Variants in SETD5 observed in about 807,000 individuals in gnomAD.
SETD5 encodes the protein SET domain containing 5.
In SETD5, 44 loss-of-function variants were observed where a neutral mutation model predicts 153.3. The ratio of observed to expected loss-of-function variants is 0.29; its 90% CI spans 0.23 to 0.37. SETD5 has a LOEUF of 0.37. Ranked by LOEUF, SETD5 falls within the 10% of genes least tolerant of loss-of-function variation. SETD5 has a pLI of 1.00. For synonymous variants in SETD5, 716 were observed against 645.2 expected (o/e 1.11, Z -1.66); for missense variants, 1,544 against 1,768.0 (o/e 0.87, Z 2.27).
rs984760734 is a variant in SETD5 at position 9,476,905 on chromosome 3, G to C, written c.*814G>C. On this transcript the variant is annotated 3_prime_UTR_variant, in exon 23 of 23. Coordinates refer to ENST00000402198, the MANE Select transcript of SETD5 (RefSeq NM_001080517.3). The stretch of plus-strand genomic sequence containing the variant: ...GAATGAGACATGATATAGGCCAATT[G>C]CATTGCTACTTACCAGCTTTTGGCA... 1 of 152,624 alleles carries C rather than the reference G, an allele frequency of 6.6e-6. No individual in the cohort carries two copies. The allele number at this position is 152,624 out of a possible 1,614,324, so 9.5% of individuals were successfully genotyped here. A position where few individuals can be genotyped will look rare whatever the true frequency, so the allele number is the denominator to read the frequency against.
At chr3:9,426,267 A>G (rs1419618898) in intron 2 of SETD5, 3 of 98,862 alleles carry the variant, frequency 3.0e-5, no homozygotes, top group Admixed American at 1.6e-4. Context: ...ACAGGGACTC[A>G]CTTTGTTGCC....
intron 1 of SETD5, among the ~76,000 whole-genome samples, chr3:9,413,327 A>G (rs71314347): frequency 0.025 from 3,769 of 152,312 alleles, 63 homozygotes; most frequent in Middle Eastern, 0.041. Context: ...CAAATGGATT[A>G]ATTAATGTAA....
rs376768374 is a variant in SETD5 at position 9,475,616 on chromosome 3, C to A, written c.3854C>A (p.Pro1285His). ...ACTGCACTGAGACCTGGAAACCCCC[C>A]CTCTCACGGTTCTTCAGAATCATCC... is the stretch of plus-strand genomic sequence containing the variant. ...RTTALRPGNP[P>H]SHGSSESSLS... is the part of the protein sequence containing the mutation. The change falls in exon 23 of 23, where the codon CCC becomes CAC. Residue 1285 changes from proline to histidine, a missense_variant. By Grantham distance (77) the Pro-to-His change is moderately conservative (BLOSUM62 -2). Around this residue, in one of 9 missense-constraint regions of SETD5, gnomAD observed 302 missense variants for 277.6 expected, o/e 1.09. Coordinates refer to ENST00000402198, the MANE Select transcript of SETD5 (RefSeq NM_001080517.3). The A allele has an allele frequency of 1.2e-6, 2 of 1,613,960 alleles. No individual in the cohort carries two copies. Among genetic ancestry groups the A allele is most frequent in the Non-Finnish European group, 1.7e-6 (2 of 1,179,884 alleles).
At chr3:9,430,748 T>C in intron 3 of SETD5, 2 of 863,480 alleles carry the variant, frequency 2.3e-6, no homozygotes, top group Non-Finnish European at 2.8e-6. Flanking sequence ...ATTGGTGTTT[T>C]CCCCAAAGTA....
intron 1 of SETD5, among the ~76,000 whole-genome samples, chr3:9,417,713 C>T (rs1022632345): frequency 3.3e-5 from 5 of 151,790 alleles, no homozygotes; most frequent in Non-Finnish European, 7.4e-5. Context: ...TCTCGATCTC[C>T]TGACCTCGTG....
At chr3:9,402,064 G>A (rs931380208) in intron 1 of SETD5, among the ~76,000 whole-genome samples, 1 of 152,176 alleles carries the variant, frequency 6.6e-6, no homozygotes, top group African/African-American at 2.4e-5. Context: ...TATCTTGTGG[G>A]TGGGATTCTG....
intron 17 of SETD5, among the ~76,000 whole-genome samples, chr3:9,455,798 G>C (rs574968371): frequency 1.1e-4 from 17 of 152,284 alleles, no homozygotes; most frequent in African/African-American, 3.9e-4. Flanking sequence ...ACTAGCAAAG[G>C]ATTATAGGAA....
At chr3:9,466,719 G>C (rs1484210215) in intron 18 of SETD5, among the ~76,000 whole-genome samples, 1 of 152,124 alleles carries the variant, frequency 6.6e-6, no homozygotes, top group Non-Finnish European at 1.5e-5. Context: ...TATCAAAAAG[G>C]TGTCACGTAT....
chr3:9,425,678 C>T (rs1314608396), intron 2 of SETD5, among the ~76,000 whole-genome samples: 3 of 149,430 alleles, frequency 2.0e-5, no homozygotes, highest in Admixed American at 1.3e-4. Context: ...CAGATTCAAA[C>T]GATTCTCGTG....
At chr3:9,432,406 T>C (rs1169892219) in intron 3 of SETD5, 11 of 390,246 alleles carry the variant, frequency 2.8e-5, no homozygotes, top group South Asian at 1.1e-4. Flanking sequence ...TGCACACTTA[T>C]TCCTGCTGTA....
At chr3:9,462,552 A>C (rs1054181659) in intron 17 of SETD5, among the ~76,000 whole-genome samples, 2 of 146,426 alleles carry the variant, frequency 1.4e-5, no homozygotes, top group Non-Finnish European at 3.0e-5. Flanking sequence ...GTGCCGCTGC[A>C]CTCCAGCCTA....
At chr3:9,473,656 C>A in intron 20 of SETD5, 119 bp downstream of exon 20, 1 of 1,021,460 alleles carries the variant, frequency 9.8e-7, no homozygotes, top group Non-Finnish European at 1.4e-6. Context: ...TCTGAGACAG[C>A]CAGCCAACAG....
At position 9,475,880 on chromosome 3, in the gene SETD5, C is replaced by A; in HGVS notation, c.4118C>A (p.Ser1373Tyr). Residue 1373 changes from serine to tyrosine, a missense_variant, in exon 23 of 23, where the codon TCC becomes TAC. By Grantham distance (144) the Ser-to-Tyr change is moderately radical (BLOSUM62 -2). Coordinates refer to ENST00000402198, the MANE Select transcript of SETD5 (RefSeq NM_001080517.3). ...QSSTGTLSST[S>Y]FPQNSRSSLP... Reference sequence around the variant, plus strand: ...AGCACAGGAACTCTGAGTTCCACCTCCTTTCCTCAGAACTCTAGGTCGTCA... The same window carrying A: ...AGCACAGGAACTCTGAGTTCCACCTACTTTCCTCAGAACTCTAGGTCGTCA... 1 of 1,614,062 alleles carries A rather than the reference C, an allele frequency of 6.2e-7. No homozygotes were observed. Among genetic ancestry groups the A allele is most frequent in the East Asian group, 2.2e-5 (1 of 44,880 alleles).
chr3:9,431,949 T>C (rs2040014675), intron 3 of SETD5: 1 of 154,506 alleles, frequency 6.5e-6, no homozygotes. Flanking sequence ...TATCTAGTAA[T>C]GTACCTAGTA....
At chr3:9,450,319 AC>A (rs987083812) in intron 16 of SETD5, among the ~76,000 whole-genome samples, 1 of 152,236 alleles carries the variant, frequency 6.6e-6, no homozygotes, top group African/African-American at 2.4e-5. Context: ...CTACTCAAGC[AC>A]TTTTATCTAT....
chr3:9,398,442 C>CA (rs1553601989), intron 1 of SETD5: 1 of 152,054 alleles, frequency 6.6e-6, no homozygotes, highest in Non-Finnish European at 1.5e-5. Flanking sequence ...GCCGCGATCT[C>CA]CCCTCCGTAA....
intron 19 of SETD5, 24 bp downstream of exon 19, chr3:9,470,953 C>A: frequency 2.3e-6 from 3 of 1,322,040 alleles, no homozygotes; most frequent in Non-Finnish European, 3.1e-6. Flanking sequence ...GTTATATCGG[C>A]GAACTTTTCA....
chr3:9,425,607 T>C (rs1160130675), intron 2 of SETD5, among the ~76,000 whole-genome samples: 1 of 150,716 alleles, frequency 6.6e-6, no homozygotes, highest in Non-Finnish European at 1.5e-5. Context: ...AGAAAGAGTT[T>C]CACTTTTGCT....
At chr3:9,429,941 T>C (rs1398607402) in intron 3 of SETD5, 1 of 1,301,120 alleles carries the variant, frequency 7.7e-7, no homozygotes, top group Non-Finnish European at 1.0e-6. Context: ...AGAAGCCAAG[T>C]CTATTCCAGG....
Sources: allele counts gnomAD v4.1 joint callset (sites outside exome capture counted in the v4.1 genomes callset), GRCh38; gene constraint gnomAD v4.1.1; regional missense constraint gnomAD v4.1.1; transcripts MANE v1.5; gene names NCBI Gene and HGNC (gene_info 2026-07-23, HGNC 2026-07-21).